The following ZMYND8 variants were observed in gnomAD, a reference collection of about 807,000 sequenced individuals.
ZMYND8 encodes the protein MYND-type zinc finger-containing chromatin reader ZMYND8.
In ZMYND8, 37 loss-of-function variants were observed where a neutral mutation model predicts 140.8. The ratio of observed to expected loss-of-function variants is 0.26; its 90% CI spans 0.20 to 0.35. The LOEUF (loss-of-function observed/expected upper bound fraction) is 0.35, where lower values mean the gene tolerates loss of function less well. Ranked by LOEUF, ZMYND8 falls within the 10% of genes least tolerant of loss-of-function variation. The probability of loss-of-function intolerance (pLI) is 1.00; values close to 1 mark genes in which losing one functional copy is unlikely to be tolerated. For missense variants in ZMYND8, 1,068 were observed against 1,570.0 expected, an observed-to-expected ratio of 0.68 and a Z score of 5.40; for synonymous variants, 592 against 597.1, an observed-to-expected ratio of 0.99 and a Z score of 0.12.
Position 47,238,822 on chromosome 20 carries a change from T to TTGC in ZMYND8, c.2598_2600dup (p.Gln867dup), listed in dbSNP as rs569370037. 2.4e-3 allele frequency: 3,897 copies of TTGC among 1,611,720 alleles called. 38 individuals carry two copies. In the South Asian group the frequency reaches 0.031, roughly 13 times the overall value. Reference sequence around the variant, plus strand: ...AAGACTGAGGCTGCTGCTGCTGGTTTTGCTGCTGCTGCTGCTGCTGCTGAC... The same window carrying TTGC: ...AAGACTGAGGCTGCTGCTGCTGGTTTTGCTGCTGCTGCTGCTGCTGCTGCTGAC... On this transcript the variant is annotated inframe_insertion, in exon 15 of 23. Transcript: ENST00000471951.
At chr20:47,212,489 C>A (rs759084474) in intron 22 of ZMYND8, among the ~76,000 whole-genome samples, 153 bp downstream of exon 22, 3 of 152,102 alleles carry the variant, frequency 2.0e-5, no homozygotes, top group African/African-American at 7.2e-5. Flanking sequence ...AGAGGCACAG[C>A]GAAGAAGAAA....
chr20:47,351,490 C>T (rs1213086603), intron 1 of ZMYND8, among the ~76,000 whole-genome samples: 2 of 152,132 alleles, frequency 1.3e-5, no homozygotes, highest in African/African-American at 2.4e-5. Flanking sequence ...ATGCATCATT[C>T]GAAAGGACTT....
chr20:47,255,320 CT>C (rs2074510409), intron 12 of ZMYND8, among the ~76,000 whole-genome samples: 1 of 151,798 alleles, frequency 6.6e-6, no homozygotes, highest in East Asian at 1.9e-4. Context: ...ATGAAATGTC[CT>C]GTGCTTTGAA....
intron 11 of ZMYND8, among the ~76,000 whole-genome samples, chr20:47,270,600 C>T (rs116066607): frequency 0.02 from 2,979 of 147,478 alleles, 106 homozygotes; most frequent in African/African-American, 0.07. Flanking sequence ...GTGGTATGTG[C>T]CTGTAGCCCC....
chr20:47,279,066 C>T (rs559834201), intron 10 of ZMYND8, among the ~76,000 whole-genome samples: 29 of 152,198 alleles, frequency 1.9e-4, no homozygotes, highest in African/African-American at 7.0e-4. Flanking sequence ...GCTCCACACC[C>T]ACCTCACCCA....
intron 2 of ZMYND8, among the ~76,000 whole-genome samples, chr20:47,330,328 T>C (rs2080828552): frequency 6.6e-6 from 1 of 151,362 alleles, no homozygotes; most frequent in Non-Finnish European, 1.5e-5. Context: ...TAGCTGGGTC[T>C]GCAGAGACAA....
Position 47,249,352 on chromosome 20 carries a change from C to A in ZMYND8, c.1709G>T (p.Arg570Leu). The A allele has an allele frequency of 6.2e-7, 1 of 1,614,124 alleles. No individual in the cohort carries two copies. Residue 570 changes from arginine (R) to leucine (L), a missense_variant, in exon 13 of 23, where the codon CGC (arginine) becomes CTC (leucine). Around this residue, in one of 10 missense-constraint regions of ZMYND8, gnomAD observed 173 missense variants for 223.3 expected, o/e 0.77. Coordinates refer to ENST00000471951, the MANE Select transcript of ZMYND8 (RefSeq NM_001281775.3). ...STPVPLISPKRQIRSRFQLNL... is the reference protein window; with the variant it reads ...STPVPLISPKLQIRSRFQLNL... Reference sequence around the variant, plus strand: ...CAGCTGGAACCTGCTACGAATCTGGCGCTTGGGAGAGATGAGAGGAACAGG... The same window carrying A: ...CAGCTGGAACCTGCTACGAATCTGGAGCTTGGGAGAGATGAGAGGAACAGG...
rs1248341652 is a variant in ZMYND8 at position 47,209,771 on chromosome 20, ACTGC to A, written c.*986_*989del. 2 of 152,638 alleles carry A rather than the reference ACTGC, an allele frequency of 1.3e-5. No homozygotes were observed. The highest frequency in any genetic ancestry group is 1.3e-4 in the Admixed American group (2 of 15,284). The allele number at this position is 152,638 out of a possible 1,614,324, so 9.5% of individuals were successfully genotyped here. ...CATGACGGGCCTTGCTTTCTCTCAT[ACTGC>A]CTGTGTTTCATGCTTACATAAAAAC... On this transcript the variant is annotated 3_prime_UTR_variant, in exon 23 of 23. Transcript: ENST00000471951.
intron 3 of ZMYND8, among the ~76,000 whole-genome samples, chr20:47,305,962 C>T (rs536312001): frequency 3.2e-4 from 48 of 152,328 alleles, no homozygotes; most frequent in Non-Finnish European, 5.6e-4. Context: ...CTCCACAAAA[C>T]GCCGAGAGCA....
At chr20:47,225,539 G>A (rs908682735) in intron 18 of ZMYND8, among the ~76,000 whole-genome samples, 1 of 42,006 alleles carries the variant, frequency 2.4e-5, no homozygotes, top group Admixed American at 2.5e-4. Flanking sequence ...GACAACAAGA[G>A]TGAAACTCCA....
intron 3 of ZMYND8, among the ~76,000 whole-genome samples, chr20:47,300,418 A>T (rs2077935474): frequency 1.3e-5 from 2 of 152,164 alleles, no homozygotes; most frequent in Admixed American, 6.5e-5. Flanking sequence ...CTCCACAAAT[A>T]TCTTCTACGT....
Position 47,240,496 on chromosome 20 carries a change from A to C in ZMYND8, c.2285-1358T>G, listed in dbSNP as rs545163926. Among the ~76,000 whole-genome samples, 18 of 151,434 alleles carry C rather than the reference A, an allele frequency of 1.2e-4. No homozygotes were observed. The South Asian group carries it at 3.6e-3, about 30-fold the overall frequency. On this transcript the variant is annotated intron_variant, in intron 14 of 22. Transcript: ENST00000471951. The stretch of plus-strand genomic sequence containing the variant: ...GCCATTGCACTCCAGCCTGGGTGAC[A>C]GGGTGAGACTCCGTCTCAAAATAAT...
intron 22 of ZMYND8, among the ~76,000 whole-genome samples, chr20:47,211,268 T>C (rs895684587): frequency 2.0e-5 from 3 of 152,174 alleles, no homozygotes; most frequent in African/African-American, 7.2e-5. Flanking sequence ...GGTCCAACCT[T>C]GGCCCCTGGA....
chr20:47,284,965 A>G (rs2076831045), intron 8 of ZMYND8, among the ~76,000 whole-genome samples: 1 of 152,224 alleles, frequency 6.6e-6, no homozygotes, highest in Non-Finnish European at 1.5e-5. Context: ...ATAAATGTAA[A>G]GTGCTTCAAG....
At chr20:47,221,149 C>T (rs931792871) in intron 20 of ZMYND8, among the ~76,000 whole-genome samples, 165 bp downstream of exon 20, 5 of 152,158 alleles carry the variant, frequency 3.3e-5, no homozygotes, top group Non-Finnish European at 7.3e-5. Flanking sequence ...GTCCCACACA[C>T]GCCGGCCCAG....
chr20:47,313,577 G>A (rs534731167), intron 2 of ZMYND8, among the ~76,000 whole-genome samples: 5 of 151,574 alleles, frequency 3.3e-5, no homozygotes, highest in East Asian at 1.9e-4. Context: ...AGCCAAGATC[G>A]CACCACTGCA....
intron 2 of ZMYND8, among the ~76,000 whole-genome samples, chr20:47,339,951 G>GT (rs969262545): frequency 1.1e-3 from 166 of 147,192 alleles, no homozygotes; most frequent in African/African-American, 2.9e-3. Flanking sequence ...GGTGGTTTTT[G>GT]TTTTTTTTTG....
intron 2 of ZMYND8, among the ~76,000 whole-genome samples, chr20:47,310,786 G>GGAA (rs2078866926): frequency 1.3e-5 from 1 of 76,838 alleles, no homozygotes; most frequent in Non-Finnish European, 2.6e-5. Context: ...CCTCCGACGT[G>GGAA]AAAAAAAAAA....
chr20:47,291,009 G>C lies in ZMYND8; in HGVS notation c.661-735C>G, dbSNP rs140935013. ...TACCCATTTTACAGAAAGGCAAACT[G>C]AGATACAGTAATGTTAAGGAATGTA... On this transcript the variant is annotated intron_variant, in intron 6 of 22. Transcript: ENST00000471951. 2.9e-4 allele frequency among the ~76,000 whole-genome samples: 44 copies of C among 152,246 alleles called. No individual in the cohort carries two copies. In the East Asian group the frequency reaches 7.9e-3, roughly 27 times the overall value.
Sources: gnomAD v4.1 joint callset for allele counts (sites outside exome capture counted in the v4.1 genomes callset) on GRCh38, gnomAD v4.1.1 for gene constraint, gnomAD v4.1.1 regional missense constraint, MANE v1.5 for transcripts, NCBI Gene and HGNC (gene_info 2026-07-23, HGNC 2026-07-21) for gene names.